Variants in ADGRL3 observed in about 807,000 individuals in gnomAD.
ADGRL3 encodes the protein calcium-independent alpha-latrotoxin receptor 3.
A neutral mutation model predicts 153.5 loss-of-function variants in ADGRL3; 62 were observed. The observed-to-expected ratio is 0.40, with a 90% CI of 0.33 to 0.50. The LOEUF (loss-of-function observed/expected upper bound fraction) is 0.50, where lower values mean the gene tolerates loss of function less well. ADGRL3 is among the 20% of genes least tolerant of loss of function. The probability of loss-of-function intolerance (pLI) is 0.47; values close to 1 mark genes in which losing one functional copy is unlikely to be tolerated. For synonymous variants in ADGRL3, 710 were observed against 672.5 expected, an observed-to-expected ratio of 1.06 and a Z score of -0.86; for missense variants, 1,641 against 1,859.4, an observed-to-expected ratio of 0.88 and a Z score of 2.16.
intron 5 of ADGRL3, among the ~76,000 whole-genome samples, chr4:61,648,781 T>A (rs997000600): frequency 2.6e-5 from 4 of 152,068 alleles, no homozygotes; most frequent in African/African-American, 7.2e-5. Context: ...CATATATCAT[T>A]TCAATTACTT....
chr4:61,326,352 T>TTATTAGA (rs1290341002), intron 1 of ADGRL3, among the ~76,000 whole-genome samples: 1 of 152,060 alleles, frequency 6.6e-6, no homozygotes, highest in Non-Finnish European at 1.5e-5. Flanking sequence ...TTTCTACGTT[T>TTATTAGA]TATTAGATCT....
chr4:61,859,129 G>A (rs2149261325), intron 9 of ADGRL3, among the ~76,000 whole-genome samples: 1 of 152,224 alleles, frequency 6.6e-6, no homozygotes, highest in African/African-American at 2.4e-5. Flanking sequence ...AGCCTTCTTT[G>A]TATTTTTCAG....
chr4:62,059,930 C>T (rs1476893903), intron 25 of ADGRL3, among the ~76,000 whole-genome samples: 1 of 152,100 alleles, frequency 6.6e-6, no homozygotes, highest in Non-Finnish European at 1.5e-5. Flanking sequence ...AAAACACCTA[C>T]ACAAAAACTG....
intron 1 of ADGRL3, among the ~76,000 whole-genome samples, chr4:61,329,654 T>G (rs2095531827): frequency 2.0e-5 from 3 of 152,286 alleles, no homozygotes; most frequent in African/African-American, 7.2e-5. Flanking sequence ...TTCAGTAAAC[T>G]GTTTTTTACT....
intron 1 of ADGRL3, among the ~76,000 whole-genome samples, chr4:61,377,171 C>G (rs901596392): frequency 2.0e-5 from 3 of 151,944 alleles, no homozygotes; most frequent in African/African-American, 7.3e-5. Context: ...GGGAATGGTA[C>G]GGAATGGTAT....
intron 8 of ADGRL3, among the ~76,000 whole-genome samples, chr4:61,760,281 C>G (rs921986877): frequency 1.6e-4 from 24 of 152,128 alleles, no homozygotes; most frequent in African/African-American, 5.6e-4. Flanking sequence ...GTAGGCAGGC[C>G]TTCTTGAGCT....
intron 5 of ADGRL3, among the ~76,000 whole-genome samples, chr4:61,658,971 G>T (rs1004036670): frequency 6.6e-6 from 1 of 152,108 alleles, no homozygotes; most frequent in Non-Finnish European, 1.5e-5. Context: ...TAAGGTATCA[G>T]CAAGATACTG....
chr4:61,992,107 G>A (rs2099105748), intron 19 of ADGRL3, among the ~76,000 whole-genome samples: 1 of 151,966 alleles, frequency 6.6e-6, no homozygotes, highest in Non-Finnish European at 1.5e-5. Flanking sequence ...AAAATTAAAT[G>A]TGAATGGCCA....
At chr4:61,818,967 A>T (rs906955078) in intron 9 of ADGRL3, among the ~76,000 whole-genome samples, 1 of 152,190 alleles carries the variant, frequency 6.6e-6, no homozygotes, top group African/African-American at 2.4e-5. Flanking sequence ...TTTTCTTAAG[A>T]TTATCTTATA....
chr4:61,682,601 A>G (rs867354532), intron 6 of ADGRL3, among the ~76,000 whole-genome samples: 11 of 136,128 alleles, frequency 8.1e-5, no homozygotes, highest in African/African-American at 2.7e-4. Context: ...GGGTCTCACT[A>G]TGTTTCCCAG....
At chr4:61,517,055 C>G (rs1449002504) in intron 3 of ADGRL3, among the ~76,000 whole-genome samples, 1 of 149,460 alleles carries the variant, frequency 6.7e-6, no homozygotes, top group African/African-American at 2.5e-5. Flanking sequence ...ATTTTCTAAT[C>G]ATTATTAGAG....
chr4:61,248,899 C>G (rs1009002781), intron 1 of ADGRL3, among the ~76,000 whole-genome samples: 9 of 152,112 alleles, frequency 5.9e-5, no homozygotes, highest in Non-Finnish European at 1.0e-4. Context: ...TCTGTCACTA[C>G]GTAAATAATA....
intron 5 of ADGRL3, among the ~76,000 whole-genome samples, chr4:61,591,162 A>T (rs1388014287): frequency 1.3e-5 from 2 of 152,154 alleles, no homozygotes; most frequent in Non-Finnish European, 2.9e-5. Context: ...CCCACTTTGT[A>T]ATTTTAATAA....
At position 61,992,566 on chromosome 4, in the gene ADGRL3, A is replaced by T. The variant is rs149829936; in HGVS notation, c.3237-3725A>T. On this transcript the variant is annotated intron_variant, in intron 19 of 26. Transcript: ENST00000683033. ...ATATGGCAATCAAATTAGAAAAGGG[A>T]TTCTTGCCACACAGCCTTCCAGAAG... is the stretch of plus-strand genomic sequence containing the variant. Among the ~76,000 whole-genome samples the T allele has an allele frequency of 2.0e-5, 3 of 152,316 alleles. No individual in the cohort carries two copies. In the East Asian group the frequency reaches 5.8e-4, roughly 29 times the overall value.
chr4:61,746,905 T>C (rs2096670134), intron 8 of ADGRL3, among the ~76,000 whole-genome samples: 1 of 151,762 alleles, frequency 6.6e-6, no homozygotes, highest in Admixed American at 6.6e-5. Context: ...TTCAAAAAAT[T>C]AATGAATCCA....
chr4:61,561,062 T>C (rs1437728048), intron 4 of ADGRL3, among the ~76,000 whole-genome samples: 5 of 152,178 alleles, frequency 3.3e-5, no homozygotes, highest in Non-Finnish European at 7.3e-5. Flanking sequence ...TGTGCATTAT[T>C]AATAAGGTTG....
At chr4:61,448,471 C>T (rs1032296760) in intron 2 of ADGRL3, among the ~76,000 whole-genome samples, 11 of 152,022 alleles carry the variant, frequency 7.2e-5, no homozygotes, top group African/African-American at 2.7e-4. Flanking sequence ...TATCTGTGCC[C>T]TAGTTTTTGT....
At chr4:61,860,166 C>T (rs1015447076) in intron 9 of ADGRL3, among the ~76,000 whole-genome samples, 12 of 152,056 alleles carry the variant, frequency 7.9e-5, no homozygotes, top group Non-Finnish European at 1.3e-4. Context: ...AAAACCTTCC[C>T]AGGTGCTTTC....
intron 15 of ADGRL3, among the ~76,000 whole-genome samples, chr4:61,946,502 A>G (rs2098925085): frequency 6.6e-6 from 1 of 151,996 alleles, no homozygotes; most frequent in South Asian, 2.1e-4. Flanking sequence ...TTAATGATAT[A>G]TTTTGATAGA....
Sources: gnomAD v4.1 joint callset for allele counts (sites outside exome capture counted in the v4.1 genomes callset) on GRCh38, gnomAD v4.1.1 for gene constraint, MANE v1.5 for transcripts, NCBI Gene and HGNC (gene_info 2026-07-23, HGNC 2026-07-21) for gene names.